The following LRRC41 variants were observed in gnomAD, a reference collection of about 807,000 sequenced individuals.
LRRC41 encodes the protein leucine rich repeat containing 41, also known as leucine-rich repeat-containing protein 41.
In LRRC41, 17 loss-of-function variants were observed where a neutral mutation model predicts 72.1. The observed-to-expected ratio is 0.24, with a 90% CI of 0.16 to 0.35. The LOEUF is 0.35. Ranked by LOEUF, LRRC41 falls within the 10% of genes least tolerant of loss-of-function variation. The pLI, the probability that LRRC41 is intolerant of heterozygous loss-of-function variation, is 1.00. For missense variants in LRRC41, 759 were observed against 1,065.0 expected (o/e 0.71, Z 4.00); for synonymous variants, 427 against 431.0 (o/e 0.99, Z 0.11).
Position 46,277,801 on chromosome 1 carries a change from A to T in LRRC41, c.*1064T>A, listed in dbSNP as rs1333231487. 1.3e-6 allele frequency: 2 copies of T among 1,595,272 alleles called. No individual in the cohort carries two copies. Among genetic ancestry groups the T allele is most frequent in the Non-Finnish European group, 1.7e-6 (2 of 1,163,880 alleles). On this transcript the variant is annotated 3_prime_UTR_variant, in exon 10 of 10. Coordinates refer to ENST00000617190, the MANE Select transcript of LRRC41 (RefSeq NM_006369.5). The stretch of plus-strand genomic sequence containing the variant: ...AGCGCTGTATCTTTTGACATTCCCC[A>T]CCTCCTCTTCCCCAGGCAGGGACCA...
rs1660703404 is a variant in LRRC41 at position 46,278,844 on chromosome 1, G to A, written c.*21C>T. 1.9e-6 allele frequency: 3 copies of A among 1,601,710 alleles called. No homozygotes were observed. The East Asian group carries it at 6.7e-5, about 36-fold the overall frequency. On this transcript the variant is annotated 3_prime_UTR_variant, in exon 10 of 10. Coordinates refer to ENST00000617190, the MANE Select transcript of LRRC41 (RefSeq NM_006369.5). ...TGCAAGCTGATGGTACCGAGCATGA[G>A]ACTGTGAGGTACGGGCCCCATCACA...
intron 1 of LRRC41, among the ~76,000 whole-genome samples, chr1:46,301,017 G>A (rs554881829): frequency 1.4e-4 from 21 of 152,144 alleles, no homozygotes; most frequent in Non-Finnish European, 2.5e-4. Context: ...AGTGGTAGGG[G>A]AGGGAGAAGG....
At chr1:46,297,677 G>A (rs749827655) in intron 2 of LRRC41, 44 bp from the exon 3 acceptor site, 4 of 1,387,440 alleles carry the variant, frequency 2.9e-6, no homozygotes, top group Non-Finnish European at 3.1e-6. Context: ...TGGCCACCAT[G>A]AGTAAAGTAC....
At chr1:46,297,968 C>T (rs1300012453) in intron 2 of LRRC41, among the ~76,000 whole-genome samples, 1 of 152,074 alleles carries the variant, frequency 6.6e-6, no homozygotes, top group Non-Finnish European at 1.5e-5. Context: ...TAAATGTTAC[C>T]TGTTAACAGA....
At position 46,281,389 on chromosome 1, in the gene LRRC41, T is replaced by C; in HGVS notation, c.1496-4A>G. On this transcript the variant is annotated splice_region_variant and splice_polypyrimidine_tract_variant and intron_variant, in intron 4 of 9. Coordinates refer to ENST00000617190, the MANE Select transcript of LRRC41 (RefSeq NM_006369.5). ...CGGAAGATGTTAGAGCCCAGGCCTA[T>C]GGCAAGAAAGAGATTAAGTCAGAAC... 3.1e-6 allele frequency: 5 copies of C among 1,613,944 alleles called. No individual in the cohort carries two copies. The highest frequency in any genetic ancestry group is 4.2e-6 in the Non-Finnish European group (5 of 1,179,846).
chr1:46,294,282 A>AT (rs1661077262), intron 3 of LRRC41, among the ~76,000 whole-genome samples: 2 of 151,076 alleles, frequency 1.3e-5, no homozygotes, highest in Non-Finnish European at 2.9e-5. Flanking sequence ...TAATTTTTCT[A>AT]TTTTTTGTAG....
intron 1 of LRRC41, chr1:46,301,964 G>C: frequency 1.0e-6 from 1 of 985,328 alleles, no homozygotes; most frequent in Non-Finnish European, 1.2e-6. Flanking sequence ...GGCTAGGCCT[G>C]CTTGGCAGAG....
chr1:46,278,631 G>A lies in LRRC41; in HGVS notation c.*234C>T. ...TGACCACTGTAACCTCCTGGCCCAG[G>A]GTTCCCAGGATACTGAGTAAGGGGC... On this transcript the variant is annotated 3_prime_UTR_variant, in exon 10 of 10. Coordinates refer to ENST00000617190, the MANE Select transcript of LRRC41 (RefSeq NM_006369.5). 1.6e-6 allele frequency: 1 copy of A among 608,036 alleles called. No individual in the cohort carries two copies. Among genetic ancestry groups the A allele is most frequent in the South Asian group, 2.0e-5 (1 of 48,852 alleles). The allele number at this position is 608,036 out of a possible 1,614,324, so 37.7% of individuals were successfully genotyped here. A position where few individuals can be genotyped will look rare whatever the true frequency, so the allele number is the denominator to read the frequency against.
intron 3 of LRRC41, among the ~76,000 whole-genome samples, chr1:46,289,296 C>G (rs1660952418): frequency 6.6e-6 from 1 of 152,228 alleles, no homozygotes; most frequent in Non-Finnish European, 1.5e-5. Flanking sequence ...GTCATTTCAC[C>G]TCTTTCTGCC....
At chr1:46,298,151 A>G (rs1661160067) in intron 2 of LRRC41, 133 bp downstream of exon 2, 5 of 619,230 alleles carry the variant, frequency 8.1e-6, no homozygotes, top group Non-Finnish European at 1.4e-5. Flanking sequence ...GGAATGAGGA[A>G]GAAAAATAGG....
rs1442501750 is a variant in LRRC41 at position 46,279,949 on chromosome 1, T to C, written c.2020+243A>G. On this transcript the variant is annotated intron_variant, in intron 7 of 9. Transcript: ENST00000617190. The surrounding 1 kb of genome is among the most constrained non-coding windows in gnomAD (Gnocchi z 4.5). ...CATTTATTTTGCCCCACCACCACCATTTTGTCCACCTCTGAAAGGTAAGAG... is the reference window on the plus strand; with the variant it reads ...CATTTATTTTGCCCCACCACCACCACTTTGTCCACCTCTGAAAGGTAAGAG... Among the ~76,000 whole-genome samples, 1 of 152,106 alleles carries C rather than the reference T, an allele frequency of 6.6e-6. No homozygotes were observed. Among genetic ancestry groups the C allele is most frequent in the Non-Finnish European group, 1.5e-5 (1 of 68,018 alleles).
Position 46,277,767 on chromosome 1 carries a change from G to A in LRRC41, c.*1098C>T. On this transcript the variant is annotated 3_prime_UTR_variant, in exon 10 of 10. Transcript: ENST00000617190. ...TGGTTTTCCTGCTCCCTTTTTATGA[G>A]GATGGCTAAGCGCTGTATCTTTTGA... The A allele has an allele frequency of 6.5e-7, 1 of 1,545,608 alleles. No individual in the cohort carries two copies. Among genetic ancestry groups the A allele is most frequent in the Non-Finnish European group, 8.9e-7 (1 of 1,120,570 alleles).
chr1:46,284,187 C>T (rs556454795), intron 4 of LRRC41: 1 of 152,296 alleles, frequency 6.6e-6, no homozygotes, highest in African/African-American at 2.4e-5. Flanking sequence ...CAGGAGATAA[C>T]AGTTTATTAA....
In LRRC41 at chr1:46,286,112, T is replaced by A; in HGVS notation, c.745A>T (p.Met249Leu). 1 of 1,614,044 alleles carries A rather than the reference T, an allele frequency of 6.2e-7. No individual in the cohort carries two copies. The change falls in exon 4 of 10, where the codon ATG (methionine) becomes TTG (leucine). Residue 249 changes from methionine to leucine, a missense_variant. Met to Leu is a conservative substitution (Grantham distance 15). Transcript: ENST00000617190. This position sits in a 1 kb window ranked among gnomAD's most constrained non-coding sequence, Gnocchi z 5.5. Reference protein sequence around the residue: ...ESALFILILTMSAGFWQPGPG... With the variant: ...ESALFILILTLSAGFWQPGPG... ...CCTGGTTGCCAGAAGCCAGCACTCA[T>A]GGTGAGAATAAGGATGAAAAGGGCT...
At chr1:46,280,323 CCTT>C (rs1660744606) in intron 6 of LRRC41, 33 bp from the exon 7 acceptor site, 1 of 1,611,702 alleles carries the variant, frequency 6.2e-7, no homozygotes, top group African/African-American at 1.3e-5. Context: ...GGACCATGGA[CCTT>C]AGCTTTCCTA....
At chr1:46,282,718 G>GA (rs1197732884) in intron 4 of LRRC41, among the ~76,000 whole-genome samples, 1 of 152,040 alleles carries the variant, frequency 6.6e-6, no homozygotes, top group Non-Finnish European at 1.5e-5. Context: ...GTGAGAGTGT[G>GA]AAGGGGGGAA....
In LRRC41 at chr1:46,281,229, C is replaced by T. The variant is rs948371017; in HGVS notation, c.1652G>A (p.Arg551Gln). 1.9e-6 allele frequency: 3 copies of T among 1,614,148 alleles called. No individual in the cohort carries two copies. Among genetic ancestry groups the T allele is most frequent in the Non-Finnish European group, 2.5e-6 (3 of 1,180,034 alleles). Residue 551 changes from arginine to glutamine, a missense_variant, in exon 5 of 10, where the codon CGG becomes CAG. Around this residue, in one of 4 missense-constraint regions of LRRC41, gnomAD observed 427 missense variants for 520.9 expected, o/e 0.82. Coordinates refer to ENST00000617190, the MANE Select transcript of LRRC41 (RefSeq NM_006369.5). ...RAIVRALPLL[R>Q]VLSIRVDHPS... is the part of the protein sequence containing the mutation. The stretch of plus-strand genomic sequence containing the variant: ...GTGGTCAACACGAATAGAGAGGACC[C>T]GTAGCAGGGGCAGTGCTCGCACGAT...
At chr1:46,298,152 G>A in intron 2 of LRRC41, 132 bp downstream of exon 2, 1 of 623,836 alleles carries the variant, frequency 1.6e-6, no homozygotes, top group South Asian at 2.1e-5. Context: ...GAATGAGGAA[G>A]AAAAATAGGT....
Position 46,302,981 on chromosome 1 carries a change from T to C in LRRC41, c.199+143A>G, listed in dbSNP as rs1661276152. 1 of 1,307,624 alleles carries C rather than the reference T, an allele frequency of 7.6e-7. No individual in the cohort carries two copies. The highest frequency in any genetic ancestry group is 9.7e-7 in the Non-Finnish European group (1 of 1,032,468). The allele number at this position is 1,307,624 out of a possible 1,614,324, so 81.0% of individuals were successfully genotyped here. On this transcript the variant is annotated intron_variant, in intron 1 of 9. Coordinates refer to ENST00000617190, the MANE Select transcript of LRRC41 (RefSeq NM_006369.5). The surrounding 1 kb of genome is among the most constrained non-coding windows in gnomAD (Gnocchi z 4.7). ...CTGTCCAGCCCTGTCAGTCACAAAA[T>C]TCATTCTCCGATCCTACGAGCTGGC...
Sources: gnomAD v4.1 joint callset for allele counts (sites outside exome capture counted in the v4.1 genomes callset) on GRCh38, gnomAD v4.1.1 for gene constraint, gnomAD v4.1.1 regional missense constraint, Gnocchi (gnomAD v3.1) non-coding constraint, MANE v1.5 for transcripts, NCBI Gene and HGNC (gene_info 2026-07-23, HGNC 2026-07-21) for gene names.